LGSN: variants seen among roughly 807,000 people sequenced by gnomAD.
LGSN encodes the protein lengsin, lens protein with glutamine synthetase domain.
Under a neutral mutation model 19.5 loss-of-function variants are expected in LGSN, and 21 were observed. The observed-to-expected ratio is 1.07, with a 90% CI of 0.76 to 1.55. LGSN has a LOEUF of 1.55. Ranked by LOEUF, LGSN falls within the 40% of genes most tolerant of loss-of-function variation. The probability of loss-of-function intolerance (pLI) is 0.00; values close to 1 mark genes in which losing one functional copy is unlikely to be tolerated. For missense variants in LGSN, 673 were observed against 608.5 expected (o/e 1.11, Z -1.12); for synonymous variants, 257 against 215.6 (o/e 1.19, Z -1.68).
At chr6:63,559,042 G>A in the LGSN span, among the ~76,000 whole-genome samples, 2 of 152,166 alleles carry the variant, frequency 1.3e-5, no homozygotes, top group African/African-American at 2.4e-5. Context: ...GAGGCGAGAA[G>A]GATAGATCAT....
chr6:63,344,905 T>C, the LGSN span, among the ~76,000 whole-genome samples: 3 of 152,190 alleles, frequency 2.0e-5, no homozygotes, highest in African/African-American at 7.2e-5. Flanking sequence ...AATGTGATAA[T>C]GTGATTATGT....
chr6:63,357,606 GTCTTTTGGCTGCATAAATGTCT>G, the LGSN span, among the ~76,000 whole-genome samples: 1 of 152,172 alleles, frequency 6.6e-6, no homozygotes, highest in Admixed American at 6.5e-5. Flanking sequence ...TTTTTCATGT[GTCTTTTGGCTGCATAAATGTCT>G]TCTTTTGAGA....
At chr6:63,408,359 C>G in the LGSN span, among the ~76,000 whole-genome samples, 6 of 147,990 alleles carry the variant, frequency 4.1e-5, no homozygotes, top group South Asian at 6.5e-4. Context: ...AGAACAGAGC[C>G]CTCAGAAATA....
the LGSN span, among the ~76,000 whole-genome samples, chr6:63,419,551 C>T: frequency 1.3e-5 from 2 of 152,026 alleles, no homozygotes; most frequent in African/African-American, 2.4e-5. Flanking sequence ...GCCTCCTTAC[C>T]AGGGAAGCTT....
the LGSN span, among the ~76,000 whole-genome samples, chr6:63,434,649 T>C: frequency 6.7e-6 from 1 of 150,294 alleles, no homozygotes; most frequent in African/African-American, 2.4e-5. Context: ...AGTTATGACC[T>C]TTAGCAGAGA....
chr6:63,487,837 C>T, the LGSN span, among the ~76,000 whole-genome samples: 1 of 151,974 alleles, frequency 6.6e-6, no homozygotes, highest in Non-Finnish European at 1.5e-5. Context: ...AAATATTAGC[C>T]CAGCGTGGTA....
the LGSN span, among the ~76,000 whole-genome samples, chr6:63,515,211 A>G: frequency 8.5e-6 from 1 of 118,324 alleles, no homozygotes; most frequent in Non-Finnish European, 1.7e-5. Context: ...CCTTTCTAAA[A>G]AGTTTTTTTG....
chr6:63,422,381 A>C, the LGSN span, among the ~76,000 whole-genome samples: 1 of 152,138 alleles, frequency 6.6e-6, no homozygotes, highest in Non-Finnish European at 1.5e-5. Flanking sequence ...AAAATCTTAA[A>C]ACAGTAAGAG....
At chr6:63,305,031 C>T (rs1391613471) in intron 1 of LGSN, among the ~76,000 whole-genome samples, 2 of 152,126 alleles carry the variant, frequency 1.3e-5, no homozygotes, top group African/African-American at 4.8e-5. Flanking sequence ...CTGGACTGAA[C>T]TCTTGCATTA....
the LGSN span, among the ~76,000 whole-genome samples, chr6:63,467,278 C>CAA: frequency 3.8e-4 from 57 of 149,454 alleles, no homozygotes; most frequent in South Asian, 1.1e-3. Context: ...AAGTGAAATA[C>CAA]AAAAAAAAAA....
At chr6:63,498,897 A>G in the LGSN span, among the ~76,000 whole-genome samples, 2 of 152,130 alleles carry the variant, frequency 1.3e-5, no homozygotes, top group African/African-American at 4.8e-5. Flanking sequence ...GTGGAAGTAT[A>G]CCAAAAGGCC....
chr6:63,362,897 C>G, the LGSN span, among the ~76,000 whole-genome samples: 2 of 152,198 alleles, frequency 1.3e-5, no homozygotes, highest in Non-Finnish European at 2.9e-5. Context: ...CAGACTGCCT[C>G]CTCAAGTGGG....
rs1177766996 is a variant in LGSN, at chr6:63,276,148, C to T, written c.*3873G>A. The T allele has an allele frequency of 6.6e-6, 1 of 152,142 alleles. No individual in the cohort carries two copies. Among genetic ancestry groups the T allele is most frequent in the African/African-American group, 2.4e-5 (1 of 41,436 alleles). The allele number at this position is 152,142 out of a possible 1,614,324, so 9.4% of individuals were successfully genotyped here. On this transcript the variant is annotated 3_prime_UTR_variant, in exon 4 of 4. Transcript: ENST00000370657. ...AGGTTAAAGGTATTGTCCAGTCATA[C>T]CTATATCATAAACATATTGGTGAGT...
chr6:63,444,221 C>CA, the LGSN span, among the ~76,000 whole-genome samples: 4,238 of 147,476 alleles, frequency 0.029, 69 homozygotes, highest in African/African-American at 0.057. Flanking sequence ...ATCTCTTTTT[C>CA]AAAAAAAAAA....
At chr6:63,525,906 G>T in the LGSN span, among the ~76,000 whole-genome samples, 1 of 152,112 alleles carries the variant, frequency 6.6e-6, no homozygotes, top group South Asian at 2.1e-4. Context: ...AGTGAGTTGG[G>T]ACATTAAGGA....
At chr6:63,342,009 A>G in the LGSN span, among the ~76,000 whole-genome samples, 17 of 152,220 alleles carry the variant, frequency 1.1e-4, 1 homozygote, top group Admixed American at 2.6e-4. Flanking sequence ...TAGAGCTGGT[A>G]GCAGTGACTG....
the LGSN span, chr6:63,548,991 A>T: frequency 1.4e-6 from 1 of 731,398 alleles, no homozygotes; most frequent in Non-Finnish European, 2.5e-6. Context: ...TTTATGACAC[A>T]GGGCAGGCAA....
chr6:63,357,925 G>A, the LGSN span, among the ~76,000 whole-genome samples: 1 of 151,952 alleles, frequency 6.6e-6, no homozygotes, highest in African/African-American at 2.4e-5. Flanking sequence ...TGTCCTGAAT[G>A]GTAATGCCTA....
chr6:63,390,483 C>T, the LGSN span, among the ~76,000 whole-genome samples: 1 of 151,910 alleles, frequency 6.6e-6, no homozygotes, highest in African/African-American at 2.4e-5. Flanking sequence ...GACCTATTGC[C>T]AAATTCACCA....
Sources: allele counts gnomAD v4.1 joint callset (sites outside exome capture counted in the v4.1 genomes callset), GRCh38; gene constraint gnomAD v4.1.1; transcripts MANE v1.5; gene names NCBI Gene and HGNC (gene_info 2026-07-23, HGNC 2026-07-21).